BRINP3: variants seen among roughly 807,000 people sequenced by gnomAD.
The protein encoded by BRINP3 is BMP/retinoic acid inducible neural specific 3.
Under a neutral mutation model 71.0 loss-of-function variants are expected in BRINP3, and 19 were observed. The ratio of observed to expected loss-of-function variants is 0.27; its 90% CI spans 0.19 to 0.39. The LOEUF (loss-of-function observed/expected upper bound fraction) is 0.39. Among genes scored for constraint, BRINP3 ranks in the 10% least tolerant of loss-of-function variants. The pLI, the probability that BRINP3 is intolerant of heterozygous loss-of-function variation, is 1.00. For missense variants in BRINP3, 959 were observed against 940.8 expected, an observed-to-expected ratio of 1.02 and a Z score of -0.25; for synonymous variants, 380 against 337.7, an observed-to-expected ratio of 1.13 and a Z score of -1.37.
intron 3 of BRINP3, among the ~76,000 whole-genome samples, chr1:190,276,131 T>A (rs975318663): frequency 1.3e-5 from 2 of 151,622 alleles, no homozygotes; most frequent in African/African-American, 4.8e-5. Flanking sequence ...AAAATATTTA[T>A]TTTTCTTTCT....
At chr1:190,376,240 G>A (rs1212278839) in intron 2 of BRINP3, among the ~76,000 whole-genome samples, 1 of 151,836 alleles carries the variant, frequency 6.6e-6, no homozygotes. Context: ...GGTGTTCTGA[G>A]GCTGTTTCAG....
chr1:190,334,992 A>G (rs1355744254), intron 2 of BRINP3, among the ~76,000 whole-genome samples: 2 of 151,824 alleles, frequency 1.3e-5, no homozygotes, highest in African/African-American at 4.8e-5. Context: ...ATGGATTTTG[A>G]TGTTTGATAT....
chr1:190,120,971 A>C (rs2102316900), intron 7 of BRINP3, among the ~76,000 whole-genome samples: 1 of 152,342 alleles, frequency 6.6e-6, no homozygotes, highest in South Asian at 2.1e-4. Context: ...AAATTATGAC[A>C]TATCATGTAG....
intron 7 of BRINP3, among the ~76,000 whole-genome samples, chr1:190,113,799 T>C (rs925369319): frequency 2.0e-5 from 3 of 152,174 alleles, no homozygotes; most frequent in Admixed American, 2.0e-4. Context: ...ATGAGACCTG[T>C]CCAATCCATG....
At chr1:190,214,343 C>A (rs756404454) in intron 6 of BRINP3, among the ~76,000 whole-genome samples, 3 of 152,028 alleles carry the variant, frequency 2.0e-5, no homozygotes, top group Admixed American at 6.6e-5. Context: ...GATGAGGAGG[C>A]CGTCAAGCCT....
intron 1 of BRINP3, among the ~76,000 whole-genome samples, chr1:190,461,291 A>G (rs927480730): frequency 4.6e-5 from 7 of 152,050 alleles, no homozygotes; most frequent in Non-Finnish European, 8.8e-5. Flanking sequence ...CCAAGATCTT[A>G]GTTTATTGCG....
At chr1:190,396,886 A>T (rs1671612464) in intron 2 of BRINP3, among the ~76,000 whole-genome samples, 1 of 61,958 alleles carries the variant, frequency 1.6e-5, no homozygotes, top group Non-Finnish European at 4.0e-5. Context: ...AGTCCTTTTC[A>T]GTACCTAAAA....
intron 6 of BRINP3, among the ~76,000 whole-genome samples, chr1:190,189,529 AT>A (rs1481283889): frequency 6.6e-6 from 1 of 151,794 alleles, no homozygotes; most frequent in Non-Finnish European, 1.5e-5. Context: ...TGCCTGTTCA[AT>A]TCTGCTGTTG....
At chr1:190,107,595 G>T (rs533750948) in intron 7 of BRINP3, among the ~76,000 whole-genome samples, 13 of 152,010 alleles carry the variant, frequency 8.6e-5, no homozygotes, top group Admixed American at 4.6e-4. Context: ...CTTATCTTGT[G>T]ATTTCAACTA....
chr1:190,312,778 G>C (rs1665624845), intron 2 of BRINP3, among the ~76,000 whole-genome samples: 1 of 151,708 alleles, frequency 6.6e-6, no homozygotes, highest in African/African-American at 2.4e-5. Flanking sequence ...CTAAGGATAT[G>C]GGTGATATTT....
At chr1:190,180,835 C>G (rs1474899309) in intron 6 of BRINP3, among the ~76,000 whole-genome samples, 1 of 151,976 alleles carries the variant, frequency 6.6e-6, no homozygotes, top group African/African-American at 2.4e-5. Flanking sequence ...AAAATAACAA[C>G]AATTCCTAGG....
intron 2 of BRINP3, among the ~76,000 whole-genome samples, chr1:190,369,371 A>T (rs754284336): frequency 2.0e-5 from 3 of 152,112 alleles, no homozygotes; most frequent in Non-Finnish European, 4.4e-5. Flanking sequence ...TTAACATTCC[A>T]AATTTCATTT....
chr1:190,157,388 G>C (rs1331023651), intron 7 of BRINP3, among the ~76,000 whole-genome samples: 1 of 151,956 alleles, frequency 6.6e-6, no homozygotes, highest in Non-Finnish European at 1.5e-5. Context: ...AGATTTCATG[G>C]ATTCCTGTGA....
intron 7 of BRINP3, among the ~76,000 whole-genome samples, chr1:190,109,516 A>G (rs573106595): frequency 2.0e-5 from 3 of 152,320 alleles, no homozygotes; most frequent in Admixed American, 6.5e-5. Flanking sequence ...TTTGGTGTCA[A>G]CTTCACTGGA....
intron 3 of BRINP3, among the ~76,000 whole-genome samples, chr1:190,271,457 G>C (rs556887313): frequency 1.3e-5 from 2 of 151,486 alleles, no homozygotes; most frequent in African/African-American, 4.8e-5. Flanking sequence ...GTAATAATTC[G>C]AAAGTTGTTA....
intron 7 of BRINP3, among the ~76,000 whole-genome samples, chr1:190,102,359 A>G (rs1018456286): frequency 6.6e-6 from 1 of 152,188 alleles, no homozygotes; most frequent in South Asian, 2.1e-4. Context: ...TAACAATTCA[A>G]AATTAGTTTG....
At chr1:190,171,794 T>A (rs970791970) in intron 6 of BRINP3, among the ~76,000 whole-genome samples, 1 of 152,108 alleles carries the variant, frequency 6.6e-6, no homozygotes, top group African/African-American at 2.4e-5. Flanking sequence ...GACATTCAGC[T>A]GTAATCTGAT....
chr1:190,335,948 A>G (rs1374487573), intron 2 of BRINP3, among the ~76,000 whole-genome samples: 1 of 151,988 alleles, frequency 6.6e-6, no homozygotes. Context: ...GTGATCCCCA[A>G]CAGTAAAAAG....
chr1:190,406,995 C>T (rs776855975), intron 2 of BRINP3, among the ~76,000 whole-genome samples: 1 of 152,032 alleles, frequency 6.6e-6, no homozygotes, highest in Non-Finnish European at 1.5e-5. Flanking sequence ...GGATGTATGT[C>T]ACAGCAGGAC....
Sources: gnomAD v4.1 joint callset for allele counts (sites outside exome capture counted in the v4.1 genomes callset) on GRCh38, gnomAD v4.1.1 for gene constraint, MANE v1.5 for transcripts, NCBI Gene and HGNC (gene_info 2026-07-23, HGNC 2026-07-21) for gene names.